GADL1: variants seen among roughly 807,000 people sequenced by gnomAD.
The protein encoded by GADL1 is GAD like acidic amino acid decarboxylase 1.
GADL1 carries 71 observed loss-of-function variants against 69.5 expected under a neutral mutation model. That is an observed-to-expected ratio of 1.02 (90% CI 0.84 to 1.25). The LOEUF (loss-of-function observed/expected upper bound fraction) is 1.25, where lower values mean the gene tolerates loss of function less well. Among genes scored for constraint, GADL1 ranks in the 50% most tolerant of loss-of-function variants. The pLI, the probability that GADL1 is intolerant of heterozygous loss-of-function variation, is 0.00. For synonymous variants in GADL1, 254 were observed against 214.4 expected, an observed-to-expected ratio of 1.18 and a Z score of -1.62; for missense variants, 737 against 631.8, an observed-to-expected ratio of 1.17 and a Z score of -1.79.
At chr3:30,891,912 T>C (rs1208984982) in intron 1 of GADL1, among the ~76,000 whole-genome samples, 1 of 152,142 alleles carries the variant, frequency 6.6e-6, no homozygotes, top group Admixed American at 6.5e-5. Context: ...TCAATTTTAT[T>C]ACAACATGCC....
chr3:30,790,732 ACAGC>A (rs1225588399), intron 12 of GADL1, among the ~76,000 whole-genome samples: 2 of 152,178 alleles, frequency 1.3e-5, no homozygotes, highest in African/African-American at 2.4e-5. Context: ...GATAGATATA[ACAGC>A]ATATATGTGC....
rs7610958 is a variant in GADL1 at position 30,739,001 on chromosome 3, A to G, written c.1393-10586T>C. Among the ~76,000 whole-genome samples the G allele has an allele frequency of 3.6e-3, 546 of 152,338 alleles. 5 individuals are homozygous for G. The highest frequency in any genetic ancestry group is 0.013 in the African/African-American group (529 of 41,576). ...TTTATTCCACTCTAACAAGCCACTG[A>G]CAGCCAACGAGGCTCTTCTGGGCAT... On this transcript the variant is annotated intron_variant, in intron 14 of 14. Coordinates refer to ENST00000282538, the MANE Select transcript of GADL1 (RefSeq NM_207359.3).
At chr3:30,785,330 A>C (rs1323119766) in intron 13 of GADL1, among the ~76,000 whole-genome samples, 1 of 151,292 alleles carries the variant, frequency 6.6e-6, no homozygotes, top group Non-Finnish European at 1.5e-5. Context: ...TGACATAGTA[A>C]TTGTTCAATG....
intron 1 of GADL1, among the ~76,000 whole-genome samples, chr3:30,879,461 C>T (rs1698615611): frequency 6.6e-6 from 1 of 151,902 alleles, no homozygotes; most frequent in African/African-American, 2.4e-5. Context: ...CCCTCTCTAT[C>T]CTACTTTAGT....
intron 13 of GADL1, among the ~76,000 whole-genome samples, chr3:30,779,525 A>G (rs969964887): frequency 6.6e-6 from 1 of 152,174 alleles, no homozygotes; most frequent in Non-Finnish European, 1.5e-5. Context: ...TCATTCTTAC[A>G]AATCTACACA....
At chr3:30,763,034 T>C (rs1041235604) in intron 14 of GADL1, among the ~76,000 whole-genome samples, 30 of 152,196 alleles carry the variant, frequency 2.0e-4, no homozygotes, top group Non-Finnish European at 8.8e-5. Flanking sequence ...ACAACAAACA[T>C]GGGAGTGCAG....
At chr3:30,770,788 A>G (rs1046839313) in intron 14 of GADL1, among the ~76,000 whole-genome samples, 2 of 148,420 alleles carry the variant, frequency 1.3e-5, no homozygotes, top group African/African-American at 5.2e-5. Flanking sequence ...TTATGCCACA[A>G]TAAATTAGAA....
chr3:30,863,440 CTA>C (rs1698351402), intron 1 of GADL1, among the ~76,000 whole-genome samples: 1 of 151,936 alleles, frequency 6.6e-6, no homozygotes, highest in African/African-American at 2.4e-5. Flanking sequence ...ACATGAAAAT[CTA>C]TATCTGAGAA....
intron 2 of GADL1, among the ~76,000 whole-genome samples, chr3:30,858,141 C>A (rs533288896): frequency 6.6e-6 from 1 of 152,068 alleles, no homozygotes; most frequent in South Asian, 2.1e-4. Context: ...TCCATACAAG[C>A]AGATCTGTCT....
intron 14 of GADL1, among the ~76,000 whole-genome samples, chr3:30,755,552 AAT>A (rs1695948410): frequency 6.6e-6 from 1 of 151,832 alleles, no homozygotes; most frequent in South Asian, 2.1e-4. Context: ...TCTCCTTTGC[AAT>A]ATGTTACGAC....
In GADL1 at chr3:30,865,110, G is replaced by A. The variant is rs577840041; in HGVS notation, c.38-3345C>T. On this transcript the variant is annotated intron_variant, in intron 1 of 14. Coordinates refer to ENST00000282538, the MANE Select transcript of GADL1 (RefSeq NM_207359.3). The stretch of plus-strand genomic sequence containing the variant: ...TGTTACTGTCCTCCAAGCTCACACA[G>A]CTCTATCATCTGTGGTCTTTTTCAC... 7.2e-4 allele frequency among the ~76,000 whole-genome samples: 109 copies of A among 151,868 alleles called. 1 individual carries two copies. Among genetic ancestry groups the A allele is most frequent in the African/African-American group, 2.4e-3 (99 of 41,480 alleles).
intron 12 of GADL1, among the ~76,000 whole-genome samples, chr3:30,796,603 C>T (rs115585689): frequency 0.019 from 2,963 of 152,012 alleles, 45 homozygotes; most frequent in Non-Finnish European, 0.028. Context: ...AACTTGAACC[C>T]GAAAGAATAT....
At chr3:30,828,706 T>C (rs910801408) in intron 11 of GADL1, among the ~76,000 whole-genome samples, 1 of 151,922 alleles carries the variant, frequency 6.6e-6, no homozygotes, top group Non-Finnish European at 1.5e-5. Flanking sequence ...AGTGTACAAA[T>C]GTCTTGCCTA....
chr3:30,782,892 T>C (rs775023067), intron 13 of GADL1, among the ~76,000 whole-genome samples: 49 of 152,352 alleles, frequency 3.2e-4, no homozygotes, highest in Non-Finnish European at 5.9e-4. Context: ...ATTAAAATAA[T>C]GTGCTTTGGA....
intron 12 of GADL1, among the ~76,000 whole-genome samples, chr3:30,793,770 A>AAT (rs1159979896): frequency 7.0e-6 from 1 of 142,100 alleles, no homozygotes; most frequent in East Asian, 2.1e-4. Flanking sequence ...CCTCTCTGCA[A>AAT]ATAGCCTCTC....
chr3:30,869,746 A>G (rs1011466182), intron 1 of GADL1, among the ~76,000 whole-genome samples: 5 of 151,792 alleles, frequency 3.3e-5, no homozygotes, highest in African/African-American at 1.2e-4. Flanking sequence ...TCTTACTCAT[A>G]CTTTCATGAG....
intron 1 of GADL1, among the ~76,000 whole-genome samples, chr3:30,876,131 G>A (rs573694455): frequency 3.3e-5 from 5 of 151,958 alleles, no homozygotes; most frequent in Non-Finnish European, 7.4e-5. Flanking sequence ...CATATAATAT[G>A]TTACTGTATT....
chr3:30,847,773 C>T (rs1325212864), intron 6 of GADL1, among the ~76,000 whole-genome samples: 1 of 152,156 alleles, frequency 6.6e-6, no homozygotes, highest in Non-Finnish European at 1.5e-5. Flanking sequence ...TATTTTGCCT[C>T]TCTTTGGAAA....
intron 12 of GADL1, among the ~76,000 whole-genome samples, chr3:30,796,594 A>T (rs1282468618): frequency 6.6e-6 from 1 of 152,042 alleles, no homozygotes; most frequent in Non-Finnish European, 1.5e-5. Context: ...TTGATCTTAA[A>T]CTTGAACCCG....
Sources: gnomAD v4.1 joint callset for allele counts (sites outside exome capture counted in the v4.1 genomes callset) on GRCh38, gnomAD v4.1.1 for gene constraint, MANE v1.5 for transcripts, NCBI Gene and HGNC (gene_info 2026-07-23, HGNC 2026-07-21) for gene names.